Variants in DTNB observed in about 807,000 individuals in gnomAD.
DTNB encodes DTN-B.
Under a neutral mutation model 90.7 loss-of-function variants are expected in DTNB, and 63 were observed. That is an observed-to-expected ratio of 0.69 (90% confidence interval 0.57 to 0.86). The LOEUF (loss-of-function observed/expected upper bound fraction) is 0.86. Ranked by LOEUF, DTNB falls within the 40% of genes least tolerant of loss-of-function variation. The probability of loss-of-function intolerance (pLI) is 0.00; values close to 1 mark genes in which losing one functional copy is unlikely to be tolerated. For synonymous variants in DTNB, 277 were observed against 286.7 expected (o/e 0.97, Z 0.34); for missense variants, 744 against 807.1 (o/e 0.92, Z 0.95).
chr2:25,562,824 G>A lies in DTNB; in HGVS notation c.876+14014C>T, dbSNP rs146467186. Among the ~76,000 whole-genome samples, 79 of 152,076 alleles carry A rather than the reference G, an allele frequency of 5.2e-4. 2 individuals carry two copies. The East Asian group carries it at 0.015, about 28-fold the overall frequency. On this transcript the variant is annotated intron_variant, in intron 8 of 20. Coordinates refer to ENST00000406818, the MANE Select transcript of DTNB (RefSeq NM_021907.5). ...GTCTCACTCTGTCACCCACGCTGCAGTGCAGTGGCACAATCTCAGCTCACT... is the reference window on the plus strand; with the variant it reads ...GTCTCACTCTGTCACCCACGCTGCAATGCAGTGGCACAATCTCAGCTCACT...
intron 8 of DTNB, among the ~76,000 whole-genome samples, chr2:25,540,247 TC>T (rs2080889884): frequency 6.6e-6 from 1 of 152,238 alleles, no homozygotes; most frequent in African/African-American, 2.4e-5. Context: ...AGAAGTGACA[TC>T]TTTGCATACT....
chr2:25,648,436 T>C (rs1265872591), intron 2 of DTNB, among the ~76,000 whole-genome samples: 3 of 84,500 alleles, frequency 3.6e-5, no homozygotes, highest in Non-Finnish European at 1.1e-4. Flanking sequence ...TTAAGGATAT[T>C]ATATAAAGTC....
At chr2:25,635,896 A>G (rs2077019164) in intron 3 of DTNB, among the ~76,000 whole-genome samples, 1 of 152,232 alleles carries the variant, frequency 6.6e-6, no homozygotes, top group African/African-American at 2.4e-5. Flanking sequence ...AAAGTGCAGT[A>G]TTAGAACAGT....
chr2:25,401,945 G>A (rs374429552), intron 16 of DTNB, among the ~76,000 whole-genome samples: 3 of 152,290 alleles, frequency 2.0e-5, no homozygotes, highest in South Asian at 4.1e-4. Context: ...TCTCTTTGCT[G>A]CCGATTTTCA....
chr2:25,587,101 G>C (rs745604158), intron 6 of DTNB, among the ~76,000 whole-genome samples: 1 of 152,136 alleles, frequency 6.6e-6, no homozygotes, highest in Admixed American at 6.5e-5. Context: ...GGGGTAGAGC[G>C]GGAGCAATCA....
chr2:25,583,246 C>CA (rs55876799), intron 6 of DTNB, among the ~76,000 whole-genome samples: 368 of 96,650 alleles, frequency 3.8e-3, no homozygotes, highest in Middle Eastern at 5.3e-3. Context: ...GATTCCGTCT[C>CA]AAAAAAAAAA....
intron 16 of DTNB, among the ~76,000 whole-genome samples, chr2:25,418,232 C>G (rs1315571065): frequency 6.6e-6 from 1 of 152,158 alleles, no homozygotes; most frequent in Non-Finnish European, 1.5e-5. Context: ...CATCTTCTTT[C>G]CCCCTGACAG....
intron 8 of DTNB, among the ~76,000 whole-genome samples, chr2:25,557,908 G>C (rs565575582): frequency 6.6e-6 from 1 of 152,298 alleles, no homozygotes; most frequent in African/African-American, 2.4e-5. Context: ...GAGACTTCAA[G>C]ACAGAAATGT....
In DTNB at chr2:25,482,861, A is replaced by G; in HGVS notation, c.1014T>C (p.Pro338=). ...LDLAHIVPPR[P]LTNMNDTMVS... is the part of the protein sequence containing the mutation. The stretch of plus-strand genomic sequence containing the variant: ...CCATGGTGTCATTCATATTAGTCAG[A>G]GGGCGAGGAGGACTGAAAGAAAAGA... Residue 338 remains proline (P), a synonymous_variant, in exon 10 of 21, where the codon CCT becomes CCC. Coordinates refer to ENST00000406818, the MANE Select transcript of DTNB (RefSeq NM_021907.5). 6.2e-7 allele frequency: 1 copy of G among 1,605,946 alleles called. No homozygotes were observed. The highest frequency in any genetic ancestry group is 2.2e-5 in the East Asian group (1 of 44,642).
At chr2:25,520,407 G>T (rs958448461) in intron 9 of DTNB, among the ~76,000 whole-genome samples, 3 of 152,134 alleles carry the variant, frequency 2.0e-5, no homozygotes, top group Non-Finnish European at 2.9e-5. Context: ...AAAAATGGCT[G>T]TAAACAGCAA....
intron 1 of DTNB, among the ~76,000 whole-genome samples, chr2:25,657,892 C>A (rs890830070): frequency 3.3e-5 from 5 of 151,986 alleles, no homozygotes; most frequent in Admixed American, 2.0e-4. Context: ...TCGGAAATTA[C>A]AAATTAAAAC....
chr2:25,589,175 G>C (rs779373339), intron 6 of DTNB, among the ~76,000 whole-genome samples: 10 of 152,006 alleles, frequency 6.6e-5, no homozygotes, highest in African/African-American at 1.2e-4. Flanking sequence ...AAATTAACCA[G>C]CAATAGTATA....
intron 4 of DTNB, among the ~76,000 whole-genome samples, chr2:25,620,736 G>A (rs1165729188): frequency 6.6e-6 from 1 of 152,144 alleles, no homozygotes; most frequent in Non-Finnish European, 1.5e-5. Context: ...GAAGGCCGAG[G>A]CTGGAGAATC....
At chr2:25,518,495 T>TCA (rs562222837) in intron 9 of DTNB, among the ~76,000 whole-genome samples, 12 of 151,594 alleles carry the variant, frequency 7.9e-5, no homozygotes, top group East Asian at 1.9e-4. Flanking sequence ...CCTCTGTCTC[T>TCA]CACACACACA....
chr2:25,391,188 G>A (rs578036464), intron 16 of DTNB, among the ~76,000 whole-genome samples: 11 of 152,042 alleles, frequency 7.2e-5, no homozygotes, highest in Admixed American at 3.3e-4. Flanking sequence ...GAGCCACCGC[G>A]CCTGGCCTAG....
At chr2:25,581,901 C>T (rs372130916) in intron 6 of DTNB, among the ~76,000 whole-genome samples, 3 of 152,216 alleles carry the variant, frequency 2.0e-5, no homozygotes, top group African/African-American at 4.8e-5. Flanking sequence ...GCATGGCCGT[C>T]GGCTGCCTCC....
At chr2:25,570,955 T>C (rs761030136) in intron 8 of DTNB, among the ~76,000 whole-genome samples, 2 of 152,182 alleles carry the variant, frequency 1.3e-5, no homozygotes, top group Non-Finnish European at 2.9e-5. Flanking sequence ...AACAACTCCA[T>C]ATGGACGGAT....
At chr2:25,443,247 A>G (rs1286629984) in intron 12 of DTNB, among the ~76,000 whole-genome samples, 1 of 152,212 alleles carries the variant, frequency 6.6e-6, no homozygotes, top group African/African-American at 2.4e-5. Context: ...TCCATTTACT[A>G]TTACATGCAA....
chr2:25,402,588 T>C (rs2044018871), intron 16 of DTNB, among the ~76,000 whole-genome samples: 1 of 152,216 alleles, frequency 6.6e-6, no homozygotes, highest in African/African-American at 2.4e-5. Flanking sequence ...TTACCTATTA[T>C]GTGTCTGTTG....
Sources: gnomAD v4.1 joint callset for allele counts (sites outside exome capture counted in the v4.1 genomes callset) on GRCh38, gnomAD v4.1.1 for gene constraint, MANE v1.5 for transcripts, NCBI Gene and HGNC (gene_info 2026-07-23, HGNC 2026-07-21) for gene names.